Variants in LCOR observed in about 807,000 individuals in gnomAD.
LCOR encodes ligand dependent nuclear receptor corepressor, also known as ligand-dependent corepressor.
A neutral mutation model predicts 64.4 loss-of-function variants in LCOR; 14 were observed. That is an observed-to-expected ratio of 0.22 (90% CI 0.14 to 0.34). The LOEUF is 0.34. Among genes scored for constraint, LCOR ranks in the 10% least tolerant of loss-of-function variants. The pLI is 1.00. For synonymous variants in LCOR, 643 were observed against 642.5 expected, an observed-to-expected ratio of 1.00 and a Z score of -0.01; for missense variants, 1,686 against 1,765.3, an observed-to-expected ratio of 0.96 and a Z score of 0.80.
intron 4 of LCOR, among the ~76,000 whole-genome samples, chr10:96,911,043 A>G (rs1035711837): frequency 2.0e-5 from 3 of 151,870 alleles, no homozygotes; most frequent in African/African-American, 4.8e-5. Context: ...GGGAAAGGCA[A>G]CTAACATGTT....
intron 7 of LCOR, among the ~76,000 whole-genome samples, chr10:96,968,841 G>A (rs1847971858): frequency 6.6e-6 from 1 of 152,028 alleles, no homozygotes; most frequent in Admixed American, 6.5e-5. Context: ...GTGGTGAGGT[G>A]GGAGGGTCAC....
At chr10:96,847,505 C>T (rs890609388) in intron 2 of LCOR, among the ~76,000 whole-genome samples, 18 of 152,082 alleles carry the variant, frequency 1.2e-4, no homozygotes, top group African/African-American at 4.1e-4. Flanking sequence ...TGCAATGGCA[C>T]GATCTCGGCT....
intron 4 of LCOR, among the ~76,000 whole-genome samples, chr10:96,940,903 T>C (rs1240107458): frequency 7.8e-5 from 11 of 141,452 alleles, no homozygotes; most frequent in African/African-American, 2.4e-4. Flanking sequence ...CGGGCAGAAG[T>C]GCCCCCCACC....
intron 4 of LCOR, among the ~76,000 whole-genome samples, chr10:96,911,040 G>A (rs980889199): frequency 2.6e-5 from 4 of 151,670 alleles, no homozygotes; most frequent in Admixed American, 1.3e-4. Context: ...TAAGGGAAAG[G>A]CAACTAACAT....
At chr10:96,903,904 A>C (rs1399615535) in intron 2 of LCOR, among the ~76,000 whole-genome samples, 1 of 152,232 alleles carries the variant, frequency 6.6e-6, no homozygotes, top group Admixed American at 6.5e-5. Context: ...ATTCTCCTTG[A>C]GGAGATAAGA....
At chr10:96,932,549 C>T (rs183007567) in intron 4 of LCOR, among the ~76,000 whole-genome samples, 19 of 152,158 alleles carry the variant, frequency 1.2e-4, no homozygotes, top group Admixed American at 7.2e-4. Flanking sequence ...CTGCAACCTC[C>T]GCCTCCCGGG....
Position 96,920,476 on chromosome 10 carries a change from A to ATG in LCOR, c.-184+12730_-184+12731insGT, listed in dbSNP as rs1213409694. Among the ~76,000 whole-genome samples, 572 of 141,214 alleles carry ATG rather than the reference A, an allele frequency of 4.1e-3. 12 individuals are homozygous for ATG. The highest frequency in any genetic ancestry group is 6.4e-3 in the Non-Finnish European group (423 of 65,854). 92.6% of individuals were successfully genotyped at this position (141,214 alleles called of 152,430 possible). On this transcript the variant is annotated intron_variant, in intron 4 of 7. Transcript: ENST00000421806. ...TATGTATATTCATATATGTGTATATATATGTATATTCATATATATGTGTAT... is the reference window on the plus strand; with the variant it reads ...TATGTATATTCATATATGTGTATATATGTATGTATATTCATATATATGTGTAT...
chr10:96,904,830 A>G (rs1298148109), intron 2 of LCOR, among the ~76,000 whole-genome samples: 1 of 152,186 alleles, frequency 6.6e-6, no homozygotes, highest in Non-Finnish European at 1.5e-5. Flanking sequence ...CACGTCAGAC[A>G]TTCCCTGTTG....
chr10:96,912,651 T>TCCTTTC (rs2134459878), intron 4 of LCOR, among the ~76,000 whole-genome samples: 1 of 108,560 alleles, frequency 9.2e-6, no homozygotes, highest in South Asian at 3.4e-4. Context: ...TTCCTTTCCT[T>TCCTTTC]CTTTTTCCTT....
intron 7 of LCOR, among the ~76,000 whole-genome samples, chr10:96,972,276 C>T (rs1848005679): frequency 6.6e-6 from 1 of 152,102 alleles, no homozygotes; most frequent in African/African-American, 2.4e-5. Flanking sequence ...CTCACTGCCT[C>T]TGAACCCTCC....
chr10:96,916,603 ATATCTATATATATG>A lies in LCOR; in HGVS notation c.-184+8857_-184+8870del, dbSNP rs1564624753. Reference sequence around the variant, plus strand: ...ATTTAAAGGCTATATATATATATATATATCTATATATATGATTATTTATTTTTTTGAGACGGAGT... The same window carrying A: ...ATTTAAAGGCTATATATATATATATAATTATTTATTTTTTTGAGACGGAGT... On this transcript the variant is annotated intron_variant, in intron 4 of 7. Coordinates refer to ENST00000421806, the MANE Select transcript of LCOR (RefSeq NM_001346516.2). Among the ~76,000 whole-genome samples the A allele has an allele frequency of 2.7e-5, 4 of 149,092 alleles. 1 individual carries two copies. Among genetic ancestry groups the A allele is most frequent in the African/African-American group, 9.9e-5 (4 of 40,340 alleles).
intron 4 of LCOR, among the ~76,000 whole-genome samples, chr10:96,938,151 G>T (rs1182902946): frequency 6.6e-6 from 1 of 152,030 alleles, no homozygotes; most frequent in Non-Finnish European, 1.5e-5. Context: ...AGAGACGGGG[G>T]TCTCCCTATG....
chr10:96,935,172 A>C (rs1197865160), intron 4 of LCOR, among the ~76,000 whole-genome samples: 2 of 103,554 alleles, frequency 1.9e-5, no homozygotes, highest in African/African-American at 8.0e-5. Context: ...TTTTTGAGAC[A>C]GAGTGTCACT....
In LCOR at chr10:96,868,081, T is replaced by A. The variant is rs541684654; in HGVS notation, c.-330+34602T>A. Reference sequence around the variant, plus strand: ...GTATTTTTAGTAGAGACGGAGTTTCTCCATGTTTGTCAGGCTGGTCTCGAA... The same window carrying A: ...GTATTTTTAGTAGAGACGGAGTTTCACCATGTTTGTCAGGCTGGTCTCGAA... On this transcript the variant is annotated intron_variant, in intron 2 of 7. Coordinates refer to ENST00000421806, the MANE Select transcript of LCOR (RefSeq NM_001346516.2). Among the ~76,000 whole-genome samples, 12 of 151,480 alleles carry A rather than the reference T, an allele frequency of 7.9e-5. No homozygotes were observed. The South Asian group carries it at 2.5e-3, about 32-fold the overall frequency.
At chr10:96,920,734 A>ATATGTG (rs1208674930) in intron 4 of LCOR, among the ~76,000 whole-genome samples, 1 of 133,660 alleles carries the variant, frequency 7.5e-6, no homozygotes, top group East Asian at 2.2e-4. Context: ...ATGTTCATAT[A>ATATGTG]TATGTGTATA....
chr10:96,978,659 A>T (rs1317893836), intron 7 of LCOR, among the ~76,000 whole-genome samples: 3 of 152,186 alleles, frequency 2.0e-5, no homozygotes, highest in Admixed American at 6.5e-5. Context: ...ACCGACTAAA[A>T]CTGCTTTCTT....
At chr10:96,969,759 C>G (rs1264057511) in intron 7 of LCOR, among the ~76,000 whole-genome samples, 1 of 138,450 alleles carries the variant, frequency 7.2e-6, no homozygotes, top group Non-Finnish European at 1.6e-5. Flanking sequence ...CAACAATTTT[C>G]TTTCTTTTTT....
chr10:96,955,100 T>G (rs763692819), intron 7 of LCOR: 4 of 1,614,000 alleles, frequency 2.5e-6, no homozygotes, highest in Admixed American at 3.3e-5. Context: ...TGCAGATTAG[T>G]GAAGAACTAC....
intron 2 of LCOR, among the ~76,000 whole-genome samples, chr10:96,856,127 G>A (rs1845799986): frequency 6.7e-6 from 1 of 150,054 alleles, no homozygotes; most frequent in South Asian, 2.1e-4. Context: ...CTGGAGTGCA[G>A]TGGCGCAATC....
Sources: gnomAD v4.1 joint callset for allele counts (sites outside exome capture counted in the v4.1 genomes callset) on GRCh38, gnomAD v4.1.1 for gene constraint, MANE v1.5 for transcripts, NCBI Gene and HGNC (gene_info 2026-07-23, HGNC 2026-07-21) for gene names.